The following ATP5F1C variants were observed in gnomAD, a reference collection of about 807,000 sequenced individuals.
ATP5F1C encodes the protein ATP synthase F(1) complex subunit gamma, mitochondrial.
Under a neutral mutation model 37.4 loss-of-function variants are expected in ATP5F1C, and 22 were observed. The ratio of observed to expected loss-of-function variants is 0.59; its 90% CI spans 0.42 to 0.84. The LOEUF (loss-of-function observed/expected upper bound fraction) is 0.84, where lower values mean the gene tolerates loss of function less well. ATP5F1C is among the 40% of genes least tolerant of loss of function. ATP5F1C has a pLI of 0.00. For missense variants in ATP5F1C, 286 were observed against 362.4 expected (o/e 0.79, Z 1.71); for synonymous variants, 121 against 128.0 (o/e 0.95, Z 0.37).
chr10:7,798,944 T>G lies in ATP5F1C; in HGVS notation c.224-46T>G. The G allele has an allele frequency of 2.0e-6, 3 of 1,509,528 alleles. No individual in the cohort carries two copies. The East Asian group carries it at 6.8e-5, about 34-fold the overall frequency. 93.5% of individuals were successfully genotyped at this position (1,509,528 alleles called of 1,614,324 possible). ...TTGTAAATTAGAGATTTATTGTATTTAGTGTATTGCATATAAAAAAATTAC... is the reference window on the plus strand; with the variant it reads ...TTGTAAATTAGAGATTTATTGTATTGAGTGTATTGCATATAAAAAAATTAC... On this transcript the variant is annotated intron_variant, in intron 3 of 9. Coordinates refer to ENST00000356708, the MANE Select transcript of ATP5F1C (RefSeq NM_001001973.3).
intron 1 of ATP5F1C, among the ~76,000 whole-genome samples, 195 bp downstream of exon 1, chr10:7,788,458 G>A (rs907848599): frequency 2.6e-5 from 4 of 152,220 alleles, no homozygotes; most frequent in African/African-American, 4.8e-5. Flanking sequence ...GCGCAGGGCC[G>A]GGCTCCGGCG....
chr10:7,791,303 A>AC, intron 1 of ATP5F1C, among the ~76,000 whole-genome samples: 1 of 152,038 alleles, frequency 6.6e-6, no homozygotes, highest in Non-Finnish European at 1.5e-5. Flanking sequence ...CATCTCAAAA[A>AC]CAAAAAAAAA....
intron 1 of ATP5F1C, among the ~76,000 whole-genome samples, chr10:7,792,346 C>T (rs1324034983): frequency 6.6e-6 from 1 of 152,196 alleles, no homozygotes; most frequent in Non-Finnish European, 1.5e-5. Flanking sequence ...GATCACACCA[C>T]TGCACTATAG....
In ATP5F1C at chr10:7,799,055, TC is replaced by T. The variant is rs1836298513; in HGVS notation, c.291del (p.Ser98GlnfsTer17). 1 of 1,612,934 alleles carries T rather than the reference TC, an allele frequency of 6.2e-7. No individual in the cohort carries two copies. Among genetic ancestry groups the T allele is most frequent in the African/African-American group, 1.3e-5 (1 of 74,916 alleles). The stretch of plus-strand genomic sequence containing the variant: ...GAAGAAACACCTCCTTATTGGTGTG[TC>T]CTCAGATCGAGGACTGTGTGGTGCT... ...DKKKHLLIGVSSDRGLCGAIH... is the reference protein window; with the variant it reads ...DKKKHLLIGVXSDRGLCGAIH... On this transcript the variant is annotated frameshift_variant, in exon 4 of 10. Transcript: ENST00000356708. LOFTEE classifies it high-confidence loss of function.
intron 1 of ATP5F1C, among the ~76,000 whole-genome samples, chr10:7,790,426 T>C (rs985385331): frequency 6.6e-6 from 1 of 152,216 alleles, no homozygotes; most frequent in Admixed American, 6.5e-5. Context: ...AAATGGAAAT[T>C]AAAAATTTGA....
At position 7,802,442 on chromosome 10, in the gene ATP5F1C, G is replaced by A. The variant is rs1191222464; in HGVS notation, c.793+17G>A. ...AGAATGCTTGTAAGTACACAGTATG[G>A]ACAGTGCCAGCAGGAGTGCTTGTGA... On this transcript the variant is annotated intron_variant, in intron 7 of 9. Coordinates refer to ENST00000356708, the MANE Select transcript of ATP5F1C (RefSeq NM_001001973.3). The A allele has an allele frequency of 3.1e-6, 5 of 1,603,528 alleles. No individual in the cohort carries two copies. The South Asian group carries it at 5.6e-5, about 18-fold the overall frequency.
intron 6 of ATP5F1C, among the ~76,000 whole-genome samples, chr10:7,801,907 C>A (rs1836373667): frequency 6.6e-6 from 1 of 152,036 alleles, no homozygotes; most frequent in South Asian, 2.1e-4. Context: ...CATTATTATT[C>A]TTTTTTACTG....
rs1007102781 is a variant in ATP5F1C, at chr10:7,797,296, C to T, written c.223+118C>T. 165 of 1,325,124 alleles carry T rather than the reference C, an allele frequency of 1.2e-4. 1 individual carries two copies. Among genetic ancestry groups the T allele is most frequent in the Middle Eastern group, 7.6e-4 (4 of 5,238 alleles). 82.1% of individuals were successfully genotyped at this position (1,325,124 alleles called of 1,614,324 possible). ...AGCCTATCTGAGCACTTGCCATGTA[C>T]TTATTTTTCATCTACATCCACTTGA... On this transcript the variant is annotated intron_variant, in intron 3 of 9. Transcript: ENST00000356708.
chr10:7,789,255 C>G (rs917341729), intron 1 of ATP5F1C, among the ~76,000 whole-genome samples: 1 of 152,106 alleles, frequency 6.6e-6, no homozygotes, highest in Non-Finnish European at 1.5e-5. Context: ...TGGAGGATTT[C>G]TAAGGCGCTA....
At position 7,799,206 on chromosome 10, in the gene ATP5F1C, A is replaced by T. The variant is rs756003385; in HGVS notation, c.428+12A>T. On this transcript the variant is annotated intron_variant, in intron 4 of 9. Coordinates refer to ENST00000356708, the MANE Select transcript of ATP5F1C (RefSeq NM_001001973.3). Reference sequence around the variant, plus strand: ...GGCATACTTTATAGGTAATTTAAATATATATTGTTTATTTTCATAAAGATG... The same window carrying T: ...GGCATACTTTATAGGTAATTTAAATTTATATTGTTTATTTTCATAAAGATG... 18 of 1,603,598 alleles carry T rather than the reference A, an allele frequency of 1.1e-5. No homozygotes were observed. The highest frequency in any genetic ancestry group is 1.4e-5 in the Non-Finnish European group (17 of 1,172,894).
chr10:7,793,006 T>C (rs1836186075), intron 1 of ATP5F1C, among the ~76,000 whole-genome samples: 1 of 152,258 alleles, frequency 6.6e-6, no homozygotes, highest in Non-Finnish European at 1.5e-5. Flanking sequence ...TTTCTTGGGT[T>C]TTATCCATTC....
chr10:7,797,064 T>A lies in ATP5F1C; in HGVS notation c.109T>A (p.Ser37Thr), dbSNP rs756121359. The A allele has an allele frequency of 1.2e-6, 2 of 1,614,118 alleles. No individual in the cohort carries two copies. Among genetic ancestry groups the A allele is most frequent in the Non-Finnish European group, 1.7e-6 (2 of 1,179,998 alleles). The change falls in exon 3 of 10, where the codon TCC becomes ACC. Residue 37 changes from serine (S) to threonine (T), a missense_variant. Ser to Thr is a moderately conservative substitution (Grantham distance 58, BLOSUM62 1). Transcript: ENST00000356708. ...TTTTTCAGTCACCAGGAGACTAAAG[T>A]CCATCAAAAACATCCAGAAAATTAC... Reference protein sequence around the residue: ...TLKDITRRLKSIKNIQKITKS... With the variant: ...TLKDITRRLKTIKNIQKITKS...
At chr10:7,805,615 T>C (rs927441061) in intron 8 of ATP5F1C, among the ~76,000 whole-genome samples, 3 of 151,428 alleles carry the variant, frequency 2.0e-5, no homozygotes, top group African/African-American at 7.3e-5. Context: ...GGCGTGGTGG[T>C]GGGCGCCTGT....
At chr10:7,800,874 C>T (rs1171665325) in intron 6 of ATP5F1C, among the ~76,000 whole-genome samples, 5 of 152,214 alleles carry the variant, frequency 3.3e-5, no homozygotes, top group African/African-American at 4.8e-5. Context: ...AACTCCTGCT[C>T]TATTCTGTCA....
Position 7,788,192 on chromosome 10 carries a change from C to G in ATP5F1C, c.-16C>G, listed in dbSNP as rs776649148. The G allele has an allele frequency of 2.5e-6, 4 of 1,612,968 alleles. No homozygotes were observed. In the Admixed American group the frequency reaches 5.0e-5, roughly 20 times the overall value. ...TGAGGCCTGCCTGACCGACCTTCAGCAGGGCTGTGGCTACCATGTTCTCTC... is the reference window on the plus strand; with the variant it reads ...TGAGGCCTGCCTGACCGACCTTCAGGAGGGCTGTGGCTACCATGTTCTCTC... On this transcript the variant is annotated 5_prime_UTR_variant, in exon 1 of 10. Transcript: ENST00000356708.
chr10:7,799,666 C>CT (rs1386732276), intron 4 of ATP5F1C, 106 bp from the exon 5 acceptor site: 12 of 1,366,490 alleles, frequency 8.8e-6, no homozygotes, highest in African/African-American at 1.5e-5. Flanking sequence ...ACCCATACCC[C>CT]AAAAGACCTG....
intron 4 of ATP5F1C, chr10:7,799,508 A>T (rs1836309971): frequency 1.8e-6 from 1 of 562,234 alleles, no homozygotes; most frequent in African/African-American, 1.9e-5. Context: ...CAGCCTGGAA[A>T]TGTTAGCAAT....
At chr10:7,792,097 C>T (rs986829466) in intron 1 of ATP5F1C, among the ~76,000 whole-genome samples, 8 of 152,132 alleles carry the variant, frequency 5.3e-5, no homozygotes, top group Non-Finnish European at 1.0e-4. Context: ...GTCATTACTA[C>T]ACCAAAAAAG....
chr10:7,806,804 G>A (rs1836491357), intron 8 of ATP5F1C, among the ~76,000 whole-genome samples, 170 bp from the exon 9 acceptor site: 1 of 152,124 alleles, frequency 6.6e-6, no homozygotes. Flanking sequence ...AACAGTCATT[G>A]AGTCTGTTTC....
Sources: gnomAD v4.1 joint callset for allele counts (sites outside exome capture counted in the v4.1 genomes callset) on GRCh38, gnomAD v4.1.1 for gene constraint, MANE v1.5 for transcripts, NCBI Gene and HGNC (gene_info 2026-07-23, HGNC 2026-07-21) for gene names.